AASS: variants seen among roughly 807,000 people sequenced by gnomAD.
The protein encoded by AASS is alpha-aminoadipic semialdehyde synthase, mitochondrial.
In AASS, 86 loss-of-function variants were observed where a neutral mutation model predicts 105.4. The ratio of observed to expected loss-of-function variants is 0.82; its 90% CI spans 0.69 to 0.98. The LOEUF (loss-of-function observed/expected upper bound fraction) is 0.98. AASS is among the 50% of genes least tolerant of loss of function. The probability of loss-of-function intolerance (pLI) is 0.00; values close to 1 mark genes in which losing one functional copy is unlikely to be tolerated. For synonymous variants in AASS, 381 were observed against 394.8 expected (o/e 0.96, Z 0.41); for missense variants, 1,048 against 1,143.2 (o/e 0.92, Z 1.20).
intron 19 of AASS, among the ~76,000 whole-genome samples, chr7:122,083,834 TTGAA>T (rs1036050866): frequency 5.3e-5 from 8 of 152,018 alleles, no homozygotes; most frequent in African/African-American, 1.9e-4. Flanking sequence ...TCTGTCATAT[TTGAA>T]TGATGGTATC....
Position 122,118,571 on chromosome 7 carries a change from G to A in AASS, c.532C>T (p.Pro178Ser). ...AAATAAACATCTCTTACCATAAAAG[G>A]TGTGTGATGTCCCAAAGCAAGGAGC... ...LRLLALGHHT[P>S]FMHIGMAHNY... The change falls in exon 5 of 24, where the codon CCT (proline) becomes TCT (serine). Residue 178 changes from proline to serine, a missense_variant. By Grantham distance (74) the Pro-to-Ser change is moderately conservative (BLOSUM62 -1). Transcript: ENST00000417368. The A allele has an allele frequency of 6.2e-7, 1 of 1,614,082 alleles. No homozygotes were observed. Among genetic ancestry groups the A allele is most frequent in the Non-Finnish European group, 8.5e-7 (1 of 1,179,984 alleles).
intron 4 of AASS, among the ~76,000 whole-genome samples, chr7:122,125,717 T>C (rs923439461): frequency 6.6e-6 from 1 of 152,230 alleles, no homozygotes; most frequent in Admixed American, 6.5e-5. Context: ...TAATGCTTGC[T>C]TGGACCAGTA....
At chr7:122,098,010 T>A (rs1375979301) in intron 15 of AASS, among the ~76,000 whole-genome samples, 2 of 152,016 alleles carry the variant, frequency 1.3e-5, no homozygotes, top group Non-Finnish European at 2.9e-5. Flanking sequence ...GCAATGAGAA[T>A]GAATAAATTA....
intron 15 of AASS, among the ~76,000 whole-genome samples, chr7:122,097,546 C>A (rs1794218637): frequency 6.6e-6 from 1 of 151,852 alleles, no homozygotes; most frequent in Non-Finnish European, 1.5e-5. Flanking sequence ...TAAGCAGGCC[C>A]TGATGTCTGT....
rs200857543 is a variant in AASS at position 122,098,579 on chromosome 7, A to G, written c.1529-3T>C. On this transcript the variant is annotated splice_polypyrimidine_tract_variant and splice_region_variant and intron_variant, in intron 14 of 23. Transcript: ENST00000417368. Reference sequence around the variant, plus strand: ...AATTTGATTCTTCATGTCAGATCCTATTTCAGTAATTAAAAGTCACATTTT... The same window carrying G: ...AATTTGATTCTTCATGTCAGATCCTGTTTCAGTAATTAAAAGTCACATTTT... 322 of 1,606,728 alleles carry G rather than the reference A, an allele frequency of 2.0e-4. No homozygotes were observed. The highest frequency in any genetic ancestry group is 8.4e-4 in the Middle Eastern group (5 of 5,944).
intron 11 of AASS, among the ~76,000 whole-genome samples, chr7:122,106,998 C>A (rs1276374235): frequency 6.6e-6 from 1 of 151,888 alleles, no homozygotes; most frequent in Non-Finnish European, 1.5e-5. Context: ...ATGCATCTGA[C>A]AAAAGTCTAA....
intron 11 of AASS, among the ~76,000 whole-genome samples, chr7:122,108,484 G>A (rs1794775606): frequency 2.0e-5 from 3 of 151,960 alleles, no homozygotes; most frequent in African/African-American, 4.8e-5. Context: ...CATAATAAAT[G>A]GGATTCATTC....
rs3213701 is a variant in AASS at position 122,116,624 on chromosome 7, G to A, written c.894+9C>T. The A allele has an allele frequency of 1.1e-4, 170 of 1,613,938 alleles. No homozygotes were observed. In the East Asian group the frequency reaches 3.7e-3, roughly 35 times the overall value. ...AGCAACCAACTTAAAAGGTGAATAT[G>A]ATACTCACATCAGTATTAAAACGAC... On this transcript the variant is annotated intron_variant, in intron 8 of 23. Transcript: ENST00000417368.
rs1389075322 is a variant in AASS at position 122,075,657 on chromosome 7, G to A, written c.*832C>T. On this transcript the variant is annotated 3_prime_UTR_variant, in exon 24 of 24. Coordinates refer to ENST00000417368, the MANE Select transcript of AASS (RefSeq NM_005763.4). The stretch of plus-strand genomic sequence containing the variant: ...TTTTTATTTTTTATTGTGAAAGGGT[G>A]TTGAATTTTGTTAAATACTTTTCCT... The A allele has an allele frequency of 1.3e-5, 2 of 152,086 alleles. No individual in the cohort carries two copies. Among genetic ancestry groups the A allele is most frequent in the South Asian group, 4.1e-4 (2 of 4,834 alleles). 9.4% of individuals were successfully genotyped at this position (152,086 alleles called of 1,614,324 possible).
chr7:122,089,938 A>G (rs1433459142), intron 18 of AASS, among the ~76,000 whole-genome samples: 1 of 152,216 alleles, frequency 6.6e-6, no homozygotes, highest in Admixed American at 6.5e-5. Flanking sequence ...CAGTCTCTTA[A>G]GATTGCAGAA....
At chr7:122,084,551 T>G (rs1793527075) in intron 19 of AASS, among the ~76,000 whole-genome samples, 1 of 152,022 alleles carries the variant, frequency 6.6e-6, no homozygotes, top group African/African-American at 2.4e-5. Flanking sequence ...ATGATCTCAC[T>G]TACATGCAGA....
chr7:122,135,607 C>A (rs948440944), intron 1 of AASS, among the ~76,000 whole-genome samples: 1 of 152,184 alleles, frequency 6.6e-6, no homozygotes, highest in Non-Finnish European at 1.5e-5. Flanking sequence ...ATGTGGCAGG[C>A]AAGGTATATT....
intron 11 of AASS, among the ~76,000 whole-genome samples, chr7:122,107,561 T>C (rs1794723378): frequency 1.3e-5 from 2 of 152,142 alleles, no homozygotes; most frequent in Non-Finnish European, 2.9e-5. Context: ...TGGAATACTA[T>C]GAAGCCATAA....
chr7:122,075,324 T>TCCA lies in AASS; in HGVS notation c.*1164_*1165insTGG, dbSNP rs1449587188. ...ATAAATCATGCCTTTGGATTTTCTATAGTTTTCCCTTGGATTACTATGCAC... is the reference window on the plus strand; with the variant it reads ...ATAAATCATGCCTTTGGATTTTCTATCCAAGTTTTCCCTTGGATTACTATGCAC... On this transcript the variant is annotated 3_prime_UTR_variant, in exon 24 of 24. Transcript: ENST00000417368. Among the ~76,000 whole-genome samples the TCCA allele has an allele frequency of 6.6e-6, 1 of 152,182 alleles. No homozygotes were observed. The highest frequency in any genetic ancestry group is 2.4e-5 in the African/African-American group (1 of 41,402).
At chr7:122,104,914 C>G (rs1417990290) in intron 11 of AASS, among the ~76,000 whole-genome samples, 1 of 151,726 alleles carries the variant, frequency 6.6e-6, no homozygotes, top group African/African-American at 2.4e-5. Flanking sequence ...GCACATGTAC[C>G]CCCGAACCTA....
At chr7:122,080,491 C>T (rs1793259064) in intron 20 of AASS, among the ~76,000 whole-genome samples, 1 of 152,168 alleles carries the variant, frequency 6.6e-6, no homozygotes, top group Admixed American at 6.5e-5. Flanking sequence ...CCCAAACCAG[C>T]TGCCTCAACC....
intron 8 of AASS, 152 bp downstream of exon 8, chr7:122,116,481 G>T: frequency 1.1e-6 from 1 of 917,310 alleles, no homozygotes. Flanking sequence ...TACCATAAAA[G>T]ATGATAGCTC....
chr7:122,081,641 A>G (rs1793328714), intron 19 of AASS, 46 bp from the exon 20 acceptor site: 2 of 1,356,348 alleles, frequency 1.5e-6, no homozygotes, highest in Non-Finnish European at 2.1e-6. Flanking sequence ...TTCTCTTCCA[A>G]TGAAAAAACT....
At chr7:122,103,421 G>C (rs1490211826) in intron 11 of AASS, among the ~76,000 whole-genome samples, 1 of 151,992 alleles carries the variant, frequency 6.6e-6, no homozygotes, top group African/African-American at 2.4e-5. Flanking sequence ...AAAGTTTAGG[G>C]AATTCTTCAC....
Sources: allele counts gnomAD v4.1 joint callset (sites outside exome capture counted in the v4.1 genomes callset), GRCh38; gene constraint gnomAD v4.1.1; transcripts MANE v1.5; gene names NCBI Gene and HGNC (gene_info 2026-07-23, HGNC 2026-07-21).